AHCTF1: variants seen among roughly 807,000 people sequenced by gnomAD.
AHCTF1 encodes the protein AT-hook containing transcription factor 1, also known as protein ELYS.
AHCTF1 carries 24 observed loss-of-function variants against 248.4 expected under a neutral mutation model. The ratio of observed to expected loss-of-function variants is 0.10; its 90% confidence interval spans 0.07 to 0.14. The LOEUF is 0.14. AHCTF1 is among the 10% of genes least tolerant of loss of function. AHCTF1 has a pLI of 1.00. For synonymous variants in AHCTF1, 786 were observed against 929.8 expected (o/e 0.85, Z 2.81); for missense variants, 2,206 against 2,636.2 (o/e 0.84, Z 3.57).
intron 1 of AHCTF1, among the ~76,000 whole-genome samples, chr1:246,920,521 C>G (rs1191455377): frequency 1.3e-5 from 2 of 152,126 alleles, no homozygotes; most frequent in East Asian, 1.9e-4. Context: ...CCTGTAACCC[C>G]AGCACTTTGG....
chr1:246,893,982 T>C (rs1664393422), intron 14 of AHCTF1, among the ~76,000 whole-genome samples: 1 of 152,094 alleles, frequency 6.6e-6, no homozygotes. Context: ...GGCAGGAGGA[T>C]CGCTTGAGGC....
intron 13 of AHCTF1, 60 bp downstream of exon 13, chr1:246,895,775 C>G (rs1353879113): frequency 5.2e-6 from 7 of 1,354,086 alleles, no homozygotes; most frequent in Non-Finnish European, 7.2e-6. Context: ...AAAAATATAA[C>G]AAATAGCAAG....
rs377257919 is a variant in AHCTF1 at position 246,840,891 on chromosome 1, G to A, written c.6716C>T (p.Thr2239Ile). ...DGVKSKPRKTTEVTGTGLGRN... is the reference protein window; with the variant it reads ...DGVKSKPRKTIEVTGTGLGRN... ...TCCAAGACCTGTTCCTGTCACTTCTGTAGTTTTTCTTGGTTTGCTCTTGAC... is the reference window on the plus strand; with the variant it reads ...TCCAAGACCTGTTCCTGTCACTTCTATAGTTTTTCTTGGTTTGCTCTTGAC... The change falls in exon 36 of 36, where the codon ACA becomes ATA. Residue 2239 changes from threonine (T) to isoleucine (I), a missense_variant. Around this residue, in one of 6 missense-constraint regions of AHCTF1, gnomAD observed 469 missense variants for 470.0 expected, o/e 1.00. Transcript: ENST00000648844. 6.2e-7 allele frequency: 1 copy of A among 1,613,586 alleles called. No individual in the cohort carries two copies. The highest frequency in any genetic ancestry group is 8.5e-7 in the Non-Finnish European group (1 of 1,179,744).
At chr1:246,883,214 T>C (rs1022955527) in intron 21 of AHCTF1, among the ~76,000 whole-genome samples, 3 of 152,226 alleles carry the variant, frequency 2.0e-5, no homozygotes, top group African/African-American at 2.4e-5. Flanking sequence ...ATTTCAACTA[T>C]CTTTATGTAA....
chr1:246,898,719 A>C (rs1475556451), intron 11 of AHCTF1, among the ~76,000 whole-genome samples: 1 of 152,116 alleles, frequency 6.6e-6, no homozygotes, highest in Non-Finnish European at 1.5e-5. Context: ...ATTTGATATT[A>C]AGTATAAATA....
At chr1:246,915,962 A>G (rs564882553) in intron 3 of AHCTF1, among the ~76,000 whole-genome samples, 180 bp downstream of exon 3, 8 of 152,354 alleles carry the variant, frequency 5.3e-5, no homozygotes, top group South Asian at 2.1e-4. Flanking sequence ...CTTGAATAAC[A>G]TATCATCTTT....
At chr1:246,902,788 A>C (rs1665098505) in intron 7 of AHCTF1, 113 bp from the exon 8 acceptor site, 1 of 1,023,178 alleles carries the variant, frequency 9.8e-7, no homozygotes, top group Admixed American at 3.1e-5. Context: ...AAAACAATTT[A>C]GACTGAAGAG....
chr1:246,907,505 C>CA (rs748798833), intron 5 of AHCTF1, 46 bp downstream of exon 5: 12 of 1,550,308 alleles, frequency 7.7e-6, no homozygotes, highest in Admixed American at 7.1e-5. Context: ...AAGCTATATG[C>CA]AAAAAAACTA....
chr1:246,905,699 T>C, intron 5 of AHCTF1, 42 bp from the exon 6 acceptor site: 1 of 1,504,666 alleles, frequency 6.6e-7, no homozygotes, highest in Non-Finnish European at 9.2e-7. Flanking sequence ...AGTTATTTTT[T>C]AGAAAGGAAA....
At position 246,877,028 on chromosome 1, in the gene AHCTF1, G is replaced by A. The variant is rs772184798; in HGVS notation, c.2859C>T (p.Phe953=). The A allele has an allele frequency of 6.0e-5, 97 of 1,612,012 alleles. 1 individual carries two copies. The South Asian group carries it at 1.1e-3, about 18-fold the overall frequency. The part of the protein sequence containing the change: ...QSSASVQNHE[F]LLVHHLQRAN... ...CACGCTGCAAATGGTGCACTAAAAG[G>A]AATTCATGATTCTGAACGCTGGCAC... The change falls in exon 23 of 36, where the codon TTC becomes TTT. Residue 953 remains phenylalanine, a synonymous_variant. Transcript: ENST00000648844.
chr1:246,886,336 A>C (rs1407614659), intron 20 of AHCTF1, among the ~76,000 whole-genome samples: 1 of 152,212 alleles, frequency 6.6e-6, no homozygotes, highest in Non-Finnish European at 1.5e-5. Flanking sequence ...ATCTCAAAAT[A>C]AATAAATAAA....
chr1:246,924,598 C>G (rs1254262207), intron 1 of AHCTF1, among the ~76,000 whole-genome samples: 1 of 152,108 alleles, frequency 6.6e-6, no homozygotes, highest in Non-Finnish European at 1.5e-5. Context: ...CTCTCCACAT[C>G]TTAGTCCCCT....
chr1:246,869,260 G>A (rs766287409), intron 24 of AHCTF1, among the ~76,000 whole-genome samples: 25 of 151,954 alleles, frequency 1.6e-4, no homozygotes, highest in East Asian at 3.9e-4. Flanking sequence ...GTTCCCCCGC[G>A]TCTCTCCCTT....
chr1:246,911,705 A>G (rs1572456216), intron 4 of AHCTF1, among the ~76,000 whole-genome samples: 1 of 152,054 alleles, frequency 6.6e-6, no homozygotes, highest in East Asian at 1.9e-4. Context: ...GCTGGTCTCA[A>G]ACTCCCGACC....
chr1:246,875,992 T>C (rs1175152281), intron 24 of AHCTF1, 45 bp downstream of exon 24: 3 of 1,504,602 alleles, frequency 2.0e-6, no homozygotes, highest in Non-Finnish European at 2.7e-6. Flanking sequence ...ATTCAGTATC[T>C]TTTTTGATCC....
At chr1:246,919,627 C>A (rs1336711456) in intron 1 of AHCTF1, among the ~76,000 whole-genome samples, 1 of 150,660 alleles carries the variant, frequency 6.6e-6, no homozygotes, top group Non-Finnish European at 1.5e-5. Context: ...GCAGGAGAAT[C>A]ACTTGAACCC....
In AHCTF1 at chr1:246,864,591, C is replaced by CAACCCACACCCACCACCACAACCAAAAG. The variant is rs1572383649; in HGVS notation, c.3348-476_3348-475insCTTTTGGTTGTGGTGGTGGGTGTGGGTT. On this transcript the variant is annotated intron_variant, in intron 26 of 35. Transcript: ENST00000648844. ...CTGATTACAATAAAGACTAGACTGA[C>CAACCCACACCCACCACCACAACCAAAAG]TTGGGAGGCCGAGGCGGGTGGATCA... is the stretch of plus-strand genomic sequence containing the variant. Among the ~76,000 whole-genome samples the CAACCCACACCCACCACCACAACCAAAAG allele has an allele frequency of 9.1e-4, 85 of 93,608 alleles. 2 individuals are homozygous for CAACCCACACCCACCACCACAACCAAAAG. Among genetic ancestry groups the CAACCCACACCCACCACCACAACCAAAAG allele is most frequent in the South Asian group, 1.4e-3 (5 of 3,624 alleles). 61.4% of individuals were successfully genotyped at this position (93,608 alleles called of 152,430 possible).
At chr1:246,915,191 GTGGTGGTGCACGCC>G (rs1039617676) in intron 3 of AHCTF1, among the ~76,000 whole-genome samples, 2 of 152,102 alleles carry the variant, frequency 1.3e-5, no homozygotes, top group Non-Finnish European at 2.9e-5. Context: ...TTAGCTGGGC[GTGGTGGTGCACGCC>G]TGTAGTCCCA....
At chr1:246,898,549 T>C (rs539393137) in intron 11 of AHCTF1, among the ~76,000 whole-genome samples, 1 of 152,024 alleles carries the variant, frequency 6.6e-6, no homozygotes, top group African/African-American at 2.4e-5. Flanking sequence ...AAAAGGTAGC[T>C]TATATATTTT....
Sources: gnomAD v4.1 joint callset for allele counts (sites outside exome capture counted in the v4.1 genomes callset) on GRCh38, gnomAD v4.1.1 for gene constraint, gnomAD v4.1.1 regional missense constraint, MANE v1.5 for transcripts, NCBI Gene and HGNC (gene_info 2026-07-23, HGNC 2026-07-21) for gene names.